KLF12: variants seen among roughly 807,000 people sequenced by gnomAD.
KLF12 encodes Krueppel-like factor 12.
In KLF12, 9 loss-of-function variants were observed where a neutral mutation model predicts 37.8. That is an observed-to-expected ratio of 0.24 (90% CI 0.14 to 0.42). KLF12 has a LOEUF of 0.42. KLF12 is among the 10% of genes least tolerant of loss of function. The pLI is 1.00. For synonymous variants in KLF12, 208 were observed against 202.1 expected, an observed-to-expected ratio of 1.03 and a Z score of -0.25; for missense variants, 411 against 516.0, an observed-to-expected ratio of 0.80 and a Z score of 1.97.
At chr13:73,750,306 C>CA (rs1276858565) in intron 6 of KLF12, among the ~76,000 whole-genome samples, 2 of 152,202 alleles carry the variant, frequency 1.3e-5, no homozygotes, top group Non-Finnish European at 2.9e-5. Flanking sequence ...AGCTCCTGTG[C>CA]AAATTTGGAC....
chr13:73,710,640 C>A (rs373183858), intron 7 of KLF12, among the ~76,000 whole-genome samples: 5 of 152,134 alleles, frequency 3.3e-5, no homozygotes, highest in African/African-American at 1.2e-4. Flanking sequence ...GTACCCAAGA[C>A]GGCAAACTTA....
the KLF12 span, among the ~76,000 whole-genome samples, chr13:74,195,344 C>T: frequency 2.6e-5 from 4 of 152,162 alleles, no homozygotes; most frequent in African/African-American, 9.7e-5. Flanking sequence ...AAATCACATT[C>T]TTGCTGGGCG....
At chr13:73,715,003 A>G (rs1246711594) in intron 7 of KLF12, among the ~76,000 whole-genome samples, 1 of 152,192 alleles carries the variant, frequency 6.6e-6, no homozygotes, top group African/African-American at 2.4e-5. Flanking sequence ...AGCAAAAAGC[A>G]TAATCTAAAG....
intron 1 of KLF12, among the ~76,000 whole-genome samples, chr13:74,108,758 G>A (rs1479418135): frequency 6.6e-6 from 1 of 152,220 alleles, no homozygotes; most frequent in Middle Eastern, 3.4e-3. Flanking sequence ...TATTGATTAA[G>A]TGGAAGTGAA....
chr13:74,300,397 G>A, the KLF12 span, among the ~76,000 whole-genome samples: 1 of 152,156 alleles, frequency 6.6e-6, no homozygotes, highest in Non-Finnish European at 1.5e-5. Flanking sequence ...GGTTGTTAAA[G>A]ATGACCTCTA....
intron 3 of KLF12, among the ~76,000 whole-genome samples, chr13:73,906,623 T>G (rs570869721): frequency 4.6e-5 from 7 of 152,340 alleles, no homozygotes; most frequent in African/African-American, 1.7e-4. Flanking sequence ...TCTTCTATGT[T>G]TAATAACTCC....
At chr13:73,958,987 C>A (rs1320445527) in intron 2 of KLF12, among the ~76,000 whole-genome samples, 1 of 152,090 alleles carries the variant, frequency 6.6e-6, no homozygotes, top group Non-Finnish European at 1.5e-5. Context: ...ATCTTTAGCA[C>A]TGGCCTCTTT....
intron 1 of KLF12, among the ~76,000 whole-genome samples, chr13:74,023,135 C>A (rs1309230816): frequency 6.6e-6 from 1 of 152,152 alleles, no homozygotes; most frequent in Non-Finnish European, 1.5e-5. Context: ...CAGGCCCTAC[C>A]CTTAACCCAC....
chr13:73,804,024 A>T (rs1882431273), intron 5 of KLF12, among the ~76,000 whole-genome samples: 1 of 152,144 alleles, frequency 6.6e-6, no homozygotes, highest in African/African-American at 2.4e-5. Context: ...GGTTGGGTTC[A>T]TATTGTCTAA....
chr13:73,709,537 T>C (rs1162998301), intron 7 of KLF12, among the ~76,000 whole-genome samples: 1 of 152,190 alleles, frequency 6.6e-6, no homozygotes, highest in South Asian at 2.1e-4. Context: ...CAAAATCTTA[T>C]ACATAATTAT....
At position 73,747,602 on chromosome 13, in the gene KLF12, C is replaced by T. The variant is rs559183147; in HGVS notation, c.869+17336G>A. Reference sequence around the variant, plus strand: ...TGTACATAAATGAGTCTTGCATCCCCTTGTAATAATAGTCAACACTTATTT... The same window carrying T: ...TGTACATAAATGAGTCTTGCATCCCTTTGTAATAATAGTCAACACTTATTT... On this transcript the variant is annotated intron_variant, in intron 6 of 7. Coordinates refer to ENST00000377669, the MANE Select transcript of KLF12 (RefSeq NM_007249.5). 2.0e-5 allele frequency among the ~76,000 whole-genome samples: 3 copies of T among 152,256 alleles called. No homozygotes were observed. The East Asian group carries it at 5.8e-4, about 29-fold the overall frequency.
intron 3 of KLF12, among the ~76,000 whole-genome samples, chr13:73,943,051 T>C (rs1197954450): frequency 6.6e-6 from 1 of 152,238 alleles, no homozygotes; most frequent in Non-Finnish European, 1.5e-5. Context: ...CTCATCCACA[T>C]TGATTTTTAT....
At position 73,907,339 on chromosome 13, in the gene KLF12, T is replaced by C. The variant is rs140519864; in HGVS notation, c.123+36642A>G. Among the ~76,000 whole-genome samples, 36 of 152,276 alleles carry C rather than the reference T, an allele frequency of 2.4e-4. 1 individual carries two copies. In the East Asian group the frequency reaches 6.2e-3, roughly 26 times the overall value. ...GAGCCGGCCTCTTGATGGTTCCTCA[T>C]GTTCAATACATATTCTGCCTCCATT... On this transcript the variant is annotated intron_variant, in intron 3 of 7. Transcript: ENST00000377669.
At chr13:74,077,457 T>C (rs559668914) in intron 1 of KLF12, among the ~76,000 whole-genome samples, 1 of 152,276 alleles carries the variant, frequency 6.6e-6, no homozygotes, top group South Asian at 2.1e-4. Context: ...CATTAAAAAC[T>C]TATAATTAAC....
chr13:74,150,162 G>A, the KLF12 span, among the ~76,000 whole-genome samples: 1 of 151,890 alleles, frequency 6.6e-6, no homozygotes, highest in African/African-American at 2.4e-5. Context: ...TATTCACGTT[G>A]CCTAGTATAA....
chr13:73,751,231 G>C (rs1035939340), intron 6 of KLF12, among the ~76,000 whole-genome samples: 1 of 152,088 alleles, frequency 6.6e-6, no homozygotes, highest in Non-Finnish European at 1.5e-5. Context: ...TTGATATAAT[G>C]ATTTCTTTTC....
the KLF12 span, among the ~76,000 whole-genome samples, chr13:74,299,485 A>T: frequency 1.3e-5 from 2 of 152,152 alleles, no homozygotes; most frequent in Non-Finnish European, 1.5e-5. Flanking sequence ...TTTGGGGCAG[A>T]TTTCATTAAT....
intron 3 of KLF12, among the ~76,000 whole-genome samples, chr13:73,860,984 T>C (rs1885895720): frequency 6.6e-6 from 1 of 152,208 alleles, no homozygotes; most frequent in African/African-American, 2.4e-5. Context: ...ATCAAATGTA[T>C]GAGTCATATT....
intron 6 of KLF12, among the ~76,000 whole-genome samples, chr13:73,736,367 A>C (rs1274331227): frequency 6.6e-6 from 1 of 152,238 alleles, no homozygotes; most frequent in Non-Finnish European, 1.5e-5. Context: ...ATCTCAATTC[A>C]GACAGTTAAT....
Sources: gnomAD v4.1 joint callset for allele counts (sites outside exome capture counted in the v4.1 genomes callset) on GRCh38, gnomAD v4.1.1 for gene constraint, MANE v1.5 for transcripts, NCBI Gene and HGNC (gene_info 2026-07-23, HGNC 2026-07-21) for gene names.